TEP1: variants seen among roughly 807,000 people sequenced by gnomAD.
The protein encoded by TEP1 is telomerase associated protein 1, also known as telomerase protein component 1.
TEP1 carries 241 observed loss-of-function variants against 306.3 expected under a neutral mutation model. The observed-to-expected ratio is 0.79, with a 90% CI of 0.71 to 0.88. TEP1 has a LOEUF of 0.88. Among genes scored for constraint, TEP1 ranks in the 40% least tolerant of loss-of-function variants. TEP1 has a pLI of 0.00. For synonymous variants in TEP1, 1,289 were observed against 1,305.5 expected (o/e 0.99, Z 0.27); for missense variants, 3,051 against 3,276.1 (o/e 0.93, Z 1.68).
chr14:20,387,977 T>C lies in TEP1; in HGVS notation c.2612A>G (p.Lys871Arg). The C allele has an allele frequency of 6.2e-7, 1 of 1,614,106 alleles. No individual in the cohort carries two copies. Among genetic ancestry groups the C allele is most frequent in the Middle Eastern group, 1.6e-4 (1 of 6,062 alleles). The change falls in exon 18 of 55, where the codon AAG (lysine) becomes AGG (arginine). Residue 871 changes from lysine (K) to arginine (R), a missense_variant. Transcript: ENST00000262715. ...TGGCCGGAGAGACTGGACCCCTGTC[T>C]TTCCTGGGGGTGGTGGAATCTTGAA... ...KIFKIPPPPG[K>R]TGVQSLRPLE...
intron 6 of TEP1, 35 bp downstream of exon 6, chr14:20,403,688 A>AG (rs1566481324): frequency 1.2e-6 from 2 of 1,612,102 alleles, no homozygotes; most frequent in South Asian, 2.2e-5. Flanking sequence ...CCTGGAGAAA[A>AG]GGGGCGTGGG....
At position 20,395,962 on chromosome 14, in the gene TEP1, G is replaced by T; in HGVS notation, c.1660-13C>A. 1 of 1,612,634 alleles carries T rather than the reference G, an allele frequency of 6.2e-7. No individual in the cohort carries two copies. The highest frequency in any genetic ancestry group is 2.2e-5 in the East Asian group (1 of 44,886). On this transcript the variant is annotated splice_polypyrimidine_tract_variant and intron_variant, in intron 10 of 54. Transcript: ENST00000262715. ...GGATCACCGACTTCTAGAAAGCAAAGGAGGGAGGGGTCATGAGCACAGGAG... is the reference window on the plus strand; with the variant it reads ...GGATCACCGACTTCTAGAAAGCAAATGAGGGAGGGGTCATGAGCACAGGAG...
In TEP1 at chr14:20,379,014, A is replaced by G. The variant is rs1281613214; in HGVS notation, c.5219T>C (p.Leu1740Pro). The stretch of plus-strand genomic sequence containing the variant: ...ATGCTGCAGGTCCCAGAGCTCCAGG[A>G]GCCCGTCGAAGGCAGTAAGAAAGAG... Reference protein sequence around the residue: ...DTLFLTAFDGLLELWDLQHGC... With the variant: ...DTLFLTAFDGPLELWDLQHGC... Residue 1740 changes from leucine to proline, a missense_variant, in exon 36 of 55, where the codon CTC (leucine) becomes CCC (proline). Leu to Pro is a moderately conservative substitution (Grantham distance 98). Coordinates refer to ENST00000262715, the MANE Select transcript of TEP1 (RefSeq NM_007110.5). 1 of 1,614,250 alleles carries G rather than the reference A, an allele frequency of 6.2e-7. No homozygotes were observed. The highest frequency in any genetic ancestry group is 1.3e-5 in the African/African-American group (1 of 75,068).
intron 12 of TEP1, among the ~76,000 whole-genome samples, chr14:20,392,909 A>T (rs550789786): frequency 1.3e-5 from 2 of 152,350 alleles, no homozygotes; most frequent in African/African-American, 2.4e-5. Flanking sequence ...GAAAAGAAAA[A>T]GAAAAAAAGA....
intron 14 of TEP1, 22 bp from the exon 15 acceptor site, chr14:20,390,780 T>C (rs370880167): frequency 1.9e-6 from 3 of 1,613,666 alleles, no homozygotes; most frequent in Non-Finnish European, 2.5e-6. Context: ...AGACTTCATG[T>C]TATGTGGTTG....
At chr14:20,368,948 C>T (rs753314249) in intron 53 of TEP1, 46 bp from the exon 54 acceptor site, 8 of 1,411,568 alleles carry the variant, frequency 5.7e-6, no homozygotes, top group South Asian at 1.2e-5. Flanking sequence ...CTCAGGGGCC[C>T]CTCCTCAGAG....
At chr14:20,380,710 G>C (rs919289833) in intron 33 of TEP1, among the ~76,000 whole-genome samples, 8 of 152,218 alleles carry the variant, frequency 5.3e-5, no homozygotes, top group African/African-American at 1.9e-4. Flanking sequence ...ATAGTTTTAT[G>C]CTAACTAAAT....
chr14:20,388,102 C>T, intron 17 of TEP1, 39 bp from the exon 18 acceptor site: 5 of 1,609,722 alleles, frequency 3.1e-6, no homozygotes, highest in Non-Finnish European at 4.2e-6. Flanking sequence ...TAGAATACCA[C>T]AGGTCGAAAT....
chr14:20,370,163 C>G (rs1201813322), intron 51 of TEP1, among the ~76,000 whole-genome samples: 1 of 152,206 alleles, frequency 6.6e-6, no homozygotes, highest in African/African-American at 2.4e-5. Flanking sequence ...ATCCACTGGC[C>G]TTGGCCTCCC....
chr14:20,396,577 C>T (rs1165056885), intron 10 of TEP1, 44 bp downstream of exon 10: 19 of 1,542,148 alleles, frequency 1.2e-5, no homozygotes, highest in Non-Finnish European at 1.6e-5. Context: ...TCCACGTGCA[C>T]ATCTAGTTGC....
At chr14:20,394,302 C>T (rs1877992274) in intron 12 of TEP1, among the ~76,000 whole-genome samples, 1 of 152,106 alleles carries the variant, frequency 6.6e-6, no homozygotes, top group Non-Finnish European at 1.5e-5. Context: ...TCATGTCAGC[C>T]TGTAATTAAT....
intron 1 of TEP1, among the ~76,000 whole-genome samples, chr14:20,409,444 G>T (rs1228953451): frequency 2.6e-5 from 4 of 152,078 alleles, no homozygotes; most frequent in Non-Finnish European, 4.4e-5. Flanking sequence ...TCTATTCCTG[G>T]ACCTAGATCT....
chr14:20,406,436 T>A, intron 2 of TEP1, 36 bp from the exon 3 acceptor site: 1 of 1,608,840 alleles, frequency 6.2e-7, no homozygotes, highest in East Asian at 2.2e-5. Context: ...TCACAGCAGG[T>A]ATCCACAGCC....
At chr14:20,413,209 C>T (rs1334282058) in intron 1 of TEP1, among the ~76,000 whole-genome samples, 196 bp downstream of exon 1, 1 of 152,158 alleles carries the variant, frequency 6.6e-6, no homozygotes, top group Non-Finnish European at 1.5e-5. Context: ...ACTCCCTCCC[C>T]TTCCCGGAGC....
Position 20,405,433 on chromosome 14 carries a change from T to A in TEP1, c.870+18A>T. On this transcript the variant is annotated intron_variant, in intron 4 of 54. Transcript: ENST00000262715. The stretch of plus-strand genomic sequence containing the variant: ...CTACCAGCTTCACACCCCCATCCCC[T>A]CCTTCACACCTCAATACCTTGAGGA... The A allele has an allele frequency of 1.2e-6, 2 of 1,612,466 alleles. No individual in the cohort carries two copies. Among genetic ancestry groups the A allele is most frequent in the Non-Finnish European group, 1.7e-6 (2 of 1,179,314 alleles).
chr14:20,389,403 G>T, intron 16 of TEP1, 106 bp from the exon 17 acceptor site: 1 of 1,461,074 alleles, frequency 6.8e-7, no homozygotes, highest in Non-Finnish European at 9.6e-7. Flanking sequence ...ACCTTTAATA[G>T]GGTTATGTGG....
At chr14:20,406,429 C>CAGCAGG in intron 2 of TEP1, 29 bp from the exon 3 acceptor site, 4 of 1,610,882 alleles carry the variant, frequency 2.5e-6, no homozygotes, top group Non-Finnish European at 3.4e-6. Flanking sequence ...TTATGAATCA[C>CAGCAGG]AGCAGGTATC....
Position 20,376,247 on chromosome 14 carries a change from G to A in TEP1, c.6106C>T (p.Leu2036=). 4 of 1,613,542 alleles carry A rather than the reference G, an allele frequency of 2.5e-6. No homozygotes were observed. The highest frequency in any genetic ancestry group is 3.4e-6 in the Non-Finnish European group (4 of 1,179,882). ...CGCGTCAGCAGCTGCCTTGGCCACAGCTGCACTGTGAAATCCTCTGCATTG... is the reference window on the plus strand; with the variant it reads ...CGCGTCAGCAGCTGCCTTGGCCACAACTGCACTGTGAAATCCTCTGCATTG... ...ASASEDFTVQ[L]WPRQLLTRPH... The change falls in exon 42 of 55, where the codon CTG becomes TTG. Residue 2036 remains leucine, a synonymous_variant. Transcript: ENST00000262715.
intron 34 of TEP1, 37 bp downstream of exon 34, chr14:20,380,198 C>G (rs1229098751): frequency 1.7e-5 from 27 of 1,600,890 alleles, no homozygotes; most frequent in Non-Finnish European, 2.2e-5. Flanking sequence ...AGCTTGCTCT[C>G]TGGTGGGCTT....
Sources: gnomAD v4.1 joint callset for allele counts (sites outside exome capture counted in the v4.1 genomes callset) on GRCh38, gnomAD v4.1.1 for gene constraint, MANE v1.5 for transcripts, NCBI Gene and HGNC (gene_info 2026-07-23, HGNC 2026-07-21) for gene names.